Variants in GRIN2B observed in about 807,000 individuals in gnomAD.
The protein encoded by GRIN2B is glutamate receptor ionotropic, NMDA 2B.
GRIN2B carries 5 observed loss-of-function variants against 114.5 expected under a neutral mutation model. The observed-to-expected ratio is 0.04, with a 90% confidence interval of 0.02 to 0.09. The LOEUF is 0.09. Ranked by LOEUF, GRIN2B falls within the 10% of genes least tolerant of loss-of-function variation. GRIN2B has a pLI of 1.00. For missense variants in GRIN2B, 1,108 were observed against 1,943.5 expected (o/e 0.57, Z 8.08); for synonymous variants, 787 against 745.1 (o/e 1.06, Z -0.92).
At chr12:13,969,479 G>A (rs1020038835) in intron 2 of GRIN2B, among the ~76,000 whole-genome samples, 1 of 152,164 alleles carries the variant, frequency 6.6e-6, no homozygotes, top group Non-Finnish European at 1.5e-5. Flanking sequence ...CTTGTGGTGA[G>A]GATTGAGTAA....
At chr12:13,909,420 G>A (rs1044383611) in intron 2 of GRIN2B, among the ~76,000 whole-genome samples, 12 of 152,232 alleles carry the variant, frequency 7.9e-5, no homozygotes, top group Non-Finnish European at 1.5e-5. Context: ...CCTCGGGATA[G>A]GGCCGTGTGT....
At chr12:13,942,202 G>T (rs1867270351) in intron 2 of GRIN2B, among the ~76,000 whole-genome samples, 1 of 152,168 alleles carries the variant, frequency 6.6e-6, no homozygotes, top group South Asian at 2.1e-4. Flanking sequence ...AGCATCATTT[G>T]CCAGAAGAGC....
chr12:13,704,995 C>T (rs965129161), intron 4 of GRIN2B, among the ~76,000 whole-genome samples: 1 of 152,120 alleles, frequency 6.6e-6, no homozygotes, highest in Non-Finnish European at 1.5e-5. Context: ...CATCCTTAGG[C>T]AGCCCCTTCT....
At chr12:13,902,291 A>G (rs1216854781) in intron 2 of GRIN2B, among the ~76,000 whole-genome samples, 1 of 152,196 alleles carries the variant, frequency 6.6e-6, no homozygotes, top group East Asian at 1.9e-4. Context: ...CCGCATATTA[A>G]TTTCAATTAA....
At chr12:13,924,323 C>T (rs746738068) in intron 2 of GRIN2B, among the ~76,000 whole-genome samples, 6 of 152,160 alleles carry the variant, frequency 3.9e-5, no homozygotes, top group Non-Finnish European at 8.8e-5. Flanking sequence ...AAGGTGTGGG[C>T]AGAGTCTAAG....
At chr12:13,902,529 C>T (rs1283276092) in intron 2 of GRIN2B, among the ~76,000 whole-genome samples, 2 of 151,906 alleles carry the variant, frequency 1.3e-5, no homozygotes, top group Non-Finnish European at 2.9e-5. Flanking sequence ...TATACTTTTT[C>T]GCCGGGCATG....
At position 13,563,782 on chromosome 12, in the gene GRIN2B, G is replaced by T. The variant is rs752200554; in HGVS notation, c.3456C>A (p.Thr1152=). The T allele has an allele frequency of 1.2e-6, 2 of 1,614,086 alleles. No individual in the cohort carries two copies. Among genetic ancestry groups the T allele is most frequent in the Admixed American group, 3.3e-5 (2 of 60,026 alleles). ...CATCACTCCGCTCCTTGTAGATGTCGGTCAGGTCTACGTGCTCCCAGTGGG... is the reference window on the plus strand; with the variant it reads ...CATCACTCCGCTCCTTGTAGATGTCTGTCAGGTCTACGTGCTCCCAGTGGG... The part of the protein sequence containing the change: ...NSPHWEHVDL[T]DIYKERSDDF... The change falls in exon 14 of 14, where the codon ACC becomes ACA. Residue 1152 remains threonine (T), a synonymous_variant. Coordinates refer to ENST00000609686, the MANE Select transcript of GRIN2B (RefSeq NM_000834.5).
At chr12:13,838,393 C>T (rs1250811531) in intron 3 of GRIN2B, among the ~76,000 whole-genome samples, 2 of 152,178 alleles carry the variant, frequency 1.3e-5, no homozygotes, top group African/African-American at 2.4e-5. Context: ...ATATCCGAAG[C>T]ACCCCAGTCC....
intron 8 of GRIN2B, 40 bp from the exon 9 acceptor site, chr12:13,611,890 A>G: frequency 6.2e-7 from 1 of 1,604,616 alleles, no homozygotes. Context: ...GTTAGAACAG[A>G]GAGCAAAAGA....
intron 3 of GRIN2B, among the ~76,000 whole-genome samples, chr12:13,798,268 A>G (rs12303812): frequency 0.11 from 16,973 of 151,010 alleles, 1,248 homozygotes; most frequent in Middle Eastern, 0.16. Context: ...GTTATGAAAC[A>G]AGGAAATAGT....
chr12:13,933,503 T>G (rs1867076127), intron 2 of GRIN2B, among the ~76,000 whole-genome samples: 1 of 152,188 alleles, frequency 6.6e-6, no homozygotes, highest in South Asian at 2.1e-4. Flanking sequence ...ATCCTTACAC[T>G]TACAGTTCTG....
rs1428560150 is a variant in GRIN2B, at chr12:13,540,161, A to T, written c.*22622T>A. The T allele has an allele frequency of 6.6e-6, 1 of 152,222 alleles. No homozygotes were observed. Among genetic ancestry groups the T allele is most frequent in the Admixed American group, 6.5e-5 (1 of 15,290 alleles). 9.4% of individuals were successfully genotyped at this position (152,222 alleles called of 1,614,324 possible). A position where few individuals can be genotyped will look rare whatever the true frequency, so the allele number is the denominator to read the frequency against. ...ACTGGGCAAGGGGTTTTTCCCAAAC[A>T]GCACTTTTAACAATCTTTTTGGAAT... On this transcript the variant is annotated 3_prime_UTR_variant, in exon 14 of 14. Coordinates refer to ENST00000609686, the MANE Select transcript of GRIN2B (RefSeq NM_000834.5).
At chr12:13,927,891 C>T (rs755052019) in intron 2 of GRIN2B, among the ~76,000 whole-genome samples, 63 of 140,780 alleles carry the variant, frequency 4.5e-4, no homozygotes, top group Non-Finnish European at 6.9e-4. Context: ...CACTTGAGCC[C>T]GGGAAGCCAA....
intron 10 of GRIN2B, among the ~76,000 whole-genome samples, chr12:13,596,933 G>A (rs1360581186): frequency 6.6e-6 from 1 of 152,180 alleles, no homozygotes; most frequent in African/African-American, 2.4e-5. Flanking sequence ...TGTTGCCTCA[G>A]GCCAATGCCT....
In GRIN2B at chr12:13,545,960, A is replaced by G. The variant is rs1948335975; in HGVS notation, c.*16823T>C. The G allele has an allele frequency of 6.6e-6, 1 of 152,230 alleles. No individual in the cohort carries two copies. The highest frequency in any genetic ancestry group is 2.4e-5 in the African/African-American group (1 of 41,462). 9.4% of individuals were successfully genotyped at this position (152,230 alleles called of 1,614,324 possible). On this transcript the variant is annotated 3_prime_UTR_variant, in exon 14 of 14. Transcript: ENST00000609686. ...ACTCAGGATTAAATCAATCTGTAAA[A>G]TGCCTATTTGTAATCGAATCTAGCA...
intron 4 of GRIN2B, among the ~76,000 whole-genome samples, chr12:13,708,857 T>C (rs1950388195): frequency 6.6e-6 from 1 of 152,128 alleles, no homozygotes; most frequent in Non-Finnish European, 1.5e-5. Flanking sequence ...GCTTCCAATA[T>C]TTATTTAGTT....
intron 4 of GRIN2B, among the ~76,000 whole-genome samples, chr12:13,681,025 T>C (rs1350895537): frequency 6.6e-6 from 1 of 152,040 alleles, no homozygotes; most frequent in Non-Finnish European, 1.5e-5. Context: ...CCTCTCTGAC[T>C]CTGGCCATGC....
chr12:13,738,850 C>T (rs1352569685), intron 4 of GRIN2B, among the ~76,000 whole-genome samples: 1 of 152,148 alleles, frequency 6.6e-6, no homozygotes, highest in Non-Finnish European at 1.5e-5. Flanking sequence ...TCTTCCAGTG[C>T]AGCTACATCA....
intron 3 of GRIN2B, among the ~76,000 whole-genome samples, chr12:13,790,172 C>G (rs779128677): frequency 6.6e-6 from 1 of 152,192 alleles, no homozygotes; most frequent in Non-Finnish European, 1.5e-5. Flanking sequence ...CCATCACAGA[C>G]GCAGCCCCTC....
Sources: allele counts gnomAD v4.1 joint callset (sites outside exome capture counted in the v4.1 genomes callset), GRCh38; gene constraint gnomAD v4.1.1; transcripts MANE v1.5; gene names NCBI Gene and HGNC (gene_info 2026-07-23, HGNC 2026-07-21).